Variants in LCA5 observed in about 807,000 individuals in gnomAD.
The protein encoded by LCA5 is lebercilin LCA5.
LCA5 carries 37 observed loss-of-function variants against 53.0 expected under a neutral mutation model. That is an observed-to-expected ratio of 0.70 (90% CI 0.54 to 0.92). LCA5 has a LOEUF of 0.92. Among genes scored for constraint, LCA5 ranks in the 40% least tolerant of loss-of-function variants. The pLI, the probability that LCA5 is intolerant of heterozygous loss-of-function variation, is 0.00. For missense variants in LCA5, 806 were observed against 790.5 expected (o/e 1.02, Z -0.23); for synonymous variants, 303 against 282.9 (o/e 1.07, Z -0.71).
chr6:79,518,600 TACA>T, intron 2 of LCA5, 102 bp downstream of exon 2: 7 of 1,047,140 alleles, frequency 6.7e-6, no homozygotes, highest in Non-Finnish European at 1.0e-5. Context: ...CTTCCATGTA[TACA>T]ACAACATATA....
chr6:79,508,025 C>T (rs577254928), intron 3 of LCA5, among the ~76,000 whole-genome samples: 3 of 152,136 alleles, frequency 2.0e-5, no homozygotes, highest in Non-Finnish European at 4.4e-5. Context: ...GAGGCTGATA[C>T]ATTGACAGGA....
chr6:79,514,389 A>G (rs1290965183), intron 2 of LCA5, among the ~76,000 whole-genome samples: 1 of 152,146 alleles, frequency 6.6e-6, no homozygotes, highest in Non-Finnish European at 1.5e-5. Context: ...TTGTGGAGAA[A>G]AAGGATCGCA....
At chr6:79,509,795 TA>T (rs1197970155) in intron 3 of LCA5, among the ~76,000 whole-genome samples, 2 of 152,188 alleles carry the variant, frequency 1.3e-5, no homozygotes, top group Non-Finnish European at 1.5e-5. Context: ...AGTATAAATC[TA>T]AAACATATAC....
chr6:79,495,617 G>A (rs555454508), intron 3 of LCA5, among the ~76,000 whole-genome samples: 2 of 151,938 alleles, frequency 1.3e-5, no homozygotes, highest in Non-Finnish European at 2.9e-5. Context: ...CAGGTGTGGT[G>A]GCACGCGCCT....
In LCA5 at chr6:79,493,658, AT is replaced by A; in HGVS notation, c.812del (p.Asn271IlefsTer15). On this transcript the variant is annotated frameshift_variant, in exon 4 of 8. Transcript: ENST00000369846. LOFTEE classifies it high-confidence loss of function. ...RKRAYEAHDE[N>X]KVLQKEVQRL... ...GCTGTACCTCCTTTTGAAGAACTTT[AT>A]TTTCATCATGAGCCTCATATGCCCT... is the stretch of plus-strand genomic sequence containing the variant. 3 of 1,613,648 alleles carry A rather than the reference AT, an allele frequency of 1.9e-6. No individual in the cohort carries two copies. The highest frequency in any genetic ancestry group is 2.5e-6 in the Non-Finnish European group (3 of 1,179,704).
intron 3 of LCA5, among the ~76,000 whole-genome samples, chr6:79,506,632 TACTAATGAAGTTTCTA>T (rs1770279382): frequency 6.6e-6 from 1 of 152,180 alleles, no homozygotes; most frequent in African/African-American, 2.4e-5. Flanking sequence ...TTAGCCGAAT[TACTAATGAAGTTTCTA>T]ACAAAGAACT....
At chr6:79,525,566 C>T (rs992343710) in intron 1 of LCA5, among the ~76,000 whole-genome samples, 5 of 152,214 alleles carry the variant, frequency 3.3e-5, no homozygotes, top group African/African-American at 1.2e-4. Context: ...GGCCCAAATG[C>T]AGGACCTCAG....
At chr6:79,538,121 A>G (rs1436212011), upstream of LCA5, among the ~76,000 whole-genome samples, 2 of 123,646 alleles carry the variant, frequency 1.6e-5, no homozygotes, top group Non-Finnish European at 3.2e-5. Flanking sequence ...CTCTTTTAGA[A>G]ATGGCATTAA....
At chr6:79,507,625 C>T (rs1327226445) in intron 3 of LCA5, among the ~76,000 whole-genome samples, 3 of 152,076 alleles carry the variant, frequency 2.0e-5, no homozygotes, top group Admixed American at 6.6e-5. Context: ...GTACGGCAGA[C>T]ACACCTGAAT....
At chr6:79,494,171 C>G (rs1313201890) in intron 3 of LCA5, among the ~76,000 whole-genome samples, 1 of 151,766 alleles carries the variant, frequency 6.6e-6, no homozygotes. Context: ...GCGGGAAGAT[C>G]ACTAGAGCCT....
chr6:79,490,894 T>C (rs540030631), intron 6 of LCA5, among the ~76,000 whole-genome samples: 43 of 152,162 alleles, frequency 2.8e-4, no homozygotes, highest in African/African-American at 7.5e-4. Context: ...AAAGAGACTT[T>C]CCAGTGATTC....
At chr6:79,510,311 TA>T (rs1770378227) in intron 3 of LCA5, among the ~76,000 whole-genome samples, 2 of 152,042 alleles carry the variant, frequency 1.3e-5, no homozygotes, top group Admixed American at 1.3e-4. Context: ...AAACAAACAA[TA>T]AAGAACCTCA....
chr6:79,511,836 A>C (rs7751498), intron 3 of LCA5, among the ~76,000 whole-genome samples: 2,818 of 152,254 alleles, frequency 0.019, 83 homozygotes, highest in African/African-American at 0.065. Flanking sequence ...CATGCTCCCA[A>C]GTGAGCAGTC....
chr6:79,489,267 G>A (rs746701513), intron 6 of LCA5, 51 bp from the exon 7 acceptor site: 10 of 1,570,616 alleles, frequency 6.4e-6, no homozygotes, highest in Non-Finnish European at 7.8e-6. Context: ...AAAAGGGGGG[G>A]AACTAAGCAA....
chr6:79,529,986 T>A (rs565405830), intron 1 of LCA5, among the ~76,000 whole-genome samples: 3 of 149,000 alleles, frequency 2.0e-5, no homozygotes, highest in Admixed American at 6.6e-5. Flanking sequence ...GGGATAGCAT[T>A]AGGAGATATA....
At chr6:79,503,676 C>T (rs974626415) in intron 3 of LCA5, among the ~76,000 whole-genome samples, 7 of 152,208 alleles carry the variant, frequency 4.6e-5, no homozygotes, top group Non-Finnish European at 1.0e-4. Flanking sequence ...ATCCCTAACC[C>T]TATTTACGAT....
rs1162203253 is a variant in LCA5 at position 79,491,620 on chromosome 6, T to G, written c.1066A>C (p.Asn356His). The change falls in exon 6 of 8, where the codon AAC (asparagine) becomes CAC (histidine). Residue 356 changes from asparagine to histidine, a missense_variant. By Grantham distance (68) the Asn-to-His change is moderately conservative. Transcript: ENST00000369846. ...LTPETIMCYE[N>H]KWEEPGHLTL... ...AGATGTCCTGGTTCTTCCCATTTGTTTTCGTAACACATAATTGTTTCTGGA... is the reference window on the plus strand; with the variant it reads ...AGATGTCCTGGTTCTTCCCATTTGTGTTCGTAACACATAATTGTTTCTGGA... The G allele has an allele frequency of 6.2e-7, 1 of 1,613,072 alleles. No homozygotes were observed. The highest frequency in any genetic ancestry group is 8.5e-7 in the Non-Finnish European group (1 of 1,179,274).
At position 79,493,721 on chromosome 6, in the gene LCA5, A is replaced by G. The variant is rs1582619068; in HGVS notation, c.750T>C (p.Thr250=). The change falls in exon 4 of 8, where the codon ACT becomes ACC. Residue 250 remains threonine, a synonymous_variant. Transcript: ENST00000369846. ...KELSKNLELS[T]NSFQRQLLAE... ...CAAGCAACTGTCGTTGGAAACTGTT[A>G]GTACTCAGTTCAAGGTTTTTCGATA... is the stretch of plus-strand genomic sequence containing the variant. 6.2e-7 allele frequency: 1 copy of G among 1,613,480 alleles called. No homozygotes were observed. Among genetic ancestry groups the G allele is most frequent in the African/African-American group, 1.3e-5 (1 of 75,018 alleles).
intron 3 of LCA5, among the ~76,000 whole-genome samples, chr6:79,497,284 T>C (rs1178803828): frequency 1.3e-5 from 2 of 152,178 alleles, no homozygotes; most frequent in Admixed American, 6.5e-5. Flanking sequence ...TTGATTTCAC[T>C]ATAAGAGGAA....
Sources: gnomAD v4.1 joint callset for allele counts (sites outside exome capture counted in the v4.1 genomes callset) on GRCh38, gnomAD v4.1.1 for gene constraint, MANE v1.5 for transcripts, NCBI Gene and HGNC (gene_info 2026-07-23, HGNC 2026-07-21) for gene names.